Variants in H2AC16 observed in about 807,000 individuals in gnomAD.
H2AC16 encodes the protein histone H2A type 1.
Under a neutral mutation model 6.6 loss-of-function variants are expected in H2AC16, and 11 were observed. The observed-to-expected ratio is 1.67, with a 90% CI of 1.05 to 2.77. The LOEUF is 2.77. Ranked by LOEUF, H2AC16 falls within the 30% of genes most tolerant of loss-of-function variation. The pLI, the probability that H2AC16 is intolerant of heterozygous loss-of-function variation, is 0.00. For missense variants in H2AC16, 212 were observed against 177.1 expected (o/e 1.20, Z -1.12); for synonymous variants, 131 against 80.8 (o/e 1.62, Z -3.33).
chr6:27,865,701 T>C lies in H2AC16; in HGVS notation c.347T>C (p.Leu116Pro). ...GGVLPNIQAV[L>P]LPKKTESHHK... The stretch of plus-strand genomic sequence containing the variant: ...GTCCTGCCCAACATCCAGGCTGTGC[T>C]ACTGCCCAAGAAGACCGAGAGTCAC... Residue 116 changes from leucine to proline, a missense_variant, in exon 1 of 1, where the codon CTA becomes CCA. Transcript: ENST00000613174. 3.1e-6 allele frequency: 5 copies of C among 1,614,220 alleles called. No homozygotes were observed. The highest frequency in any genetic ancestry group is 4.2e-6 in the Non-Finnish European group (5 of 1,180,036).
chr6:27,865,771 A>G lies in H2AC16; in HGVS notation c.*24A>G. The stretch of plus-strand genomic sequence containing the variant: ...AATGTCTCCATAGAATCACTTTCCA[A>G]TACAACGGCTCTTTTCAGAGCCACC... On this transcript the variant is annotated 3_prime_UTR_variant, in exon 1 of 1. Transcript: ENST00000613174. 1 of 1,607,990 alleles carries G rather than the reference A, an allele frequency of 6.2e-7. No homozygotes were observed. The highest frequency in any genetic ancestry group is 8.5e-7 in the Non-Finnish European group (1 of 1,175,302).
In H2AC16 at chr6:27,865,780, C is replaced by T. The variant is rs760242138; in HGVS notation, c.*33C>T. 40 of 1,603,614 alleles carry T rather than the reference C, an allele frequency of 2.5e-5. No individual in the cohort carries two copies. The highest frequency in any genetic ancestry group is 1.7e-4 in the Middle Eastern group (1 of 6,010). The stretch of plus-strand genomic sequence containing the variant: ...ATAGAATCACTTTCCAATACAACGG[C>T]TCTTTTCAGAGCCACCTACTATTTC... On this transcript the variant is annotated 3_prime_UTR_variant, in exon 1 of 1. Coordinates refer to ENST00000613174, the MANE Select transcript of H2AC16 (RefSeq NM_003511.3).
chr6:27,865,432 C>A lies in H2AC16; in HGVS notation c.78C>A (p.Phe26Leu), dbSNP rs775619752. ...KTRSSRAGLQFPVGRVHRLLR... is the reference protein window; with the variant it reads ...KTRSSRAGLQLPVGRVHRLLR... ...GCTCTTCTCGTGCCGGTCTCCAGTT[C>A]CCCGTGGGCCGAGTGCACCGACTGC... is the stretch of plus-strand genomic sequence containing the variant. The change falls in exon 1 of 1, where the codon TTC (phenylalanine) becomes TTA (leucine). Residue 26 changes from phenylalanine (F) to leucine (L), a missense_variant. Transcript: ENST00000613174. The A allele has an allele frequency of 1.2e-6, 2 of 1,613,876 alleles. No homozygotes were observed. The highest frequency in any genetic ancestry group is 1.7e-6 in the Non-Finnish European group (2 of 1,179,930).
chr6:27,865,497 C>G lies in H2AC16; in HGVS notation c.143C>G (p.Ala48Gly), dbSNP rs1561939998. 1 of 1,613,994 alleles carries G rather than the reference C, an allele frequency of 6.2e-7. No homozygotes were observed. The highest frequency in any genetic ancestry group is 1.1e-5 in the South Asian group (1 of 91,072). ...GNYAERVGAGAPVYLAAVLEY... is the reference protein window; with the variant it reads ...GNYAERVGAGGPVYLAAVLEY... ...TATGCTGAGCGGGTCGGGGCCGGCG[C>G]GCCGGTGTACCTGGCGGCGGTGCTG... Residue 48 changes from alanine to glycine, a missense_variant, in exon 1 of 1, where the codon GCG (alanine) becomes GGG (glycine). Coordinates refer to ENST00000613174, the MANE Select transcript of H2AC16 (RefSeq NM_003511.3).
In H2AC16 at chr6:27,865,477, T is replaced by C. The variant is rs770384072; in HGVS notation, c.123T>C (p.Ala41=). Reference sequence around the variant, plus strand: ...GACTGCTCCGCAAGGGCAACTATGCTGAGCGGGTCGGGGCCGGCGCGCCGG... The same window carrying C: ...GACTGCTCCGCAAGGGCAACTATGCCGAGCGGGTCGGGGCCGGCGCGCCGG... The part of the protein sequence containing the change: ...VHRLLRKGNY[A]ERVGAGAPVY... Residue 41 remains alanine (A), a synonymous_variant, in exon 1 of 1, where the codon GCT becomes GCC. Transcript: ENST00000613174. 1.2e-6 allele frequency: 2 copies of C among 1,614,010 alleles called. No homozygotes were observed. Among genetic ancestry groups the C allele is most frequent in the Admixed American group, 1.7e-5 (1 of 60,018 alleles).
Position 27,865,318 on chromosome 6 carries a change from G to C in H2AC16, c.-37G>C. On this transcript the variant is annotated 5_prime_UTR_variant, in exon 1 of 1. Transcript: ENST00000613174. ...AGTGGAGCTCTGGTGAACTTCTCTCGGCTGTTCTCAGTTCCTCCATTTATC... is the reference window on the plus strand; with the variant it reads ...AGTGGAGCTCTGGTGAACTTCTCTCCGCTGTTCTCAGTTCCTCCATTTATC... 1.9e-6 allele frequency: 3 copies of C among 1,570,654 alleles called. No individual in the cohort carries two copies. Among genetic ancestry groups the C allele is most frequent in the Non-Finnish European group, 2.6e-6 (3 of 1,156,804 alleles).
Position 27,865,337 on chromosome 6 carries a change from A to T in H2AC16, c.-18A>T, listed in dbSNP as rs1296216853. 3 of 1,593,836 alleles carry T rather than the reference A, an allele frequency of 1.9e-6. No homozygotes were observed. The highest frequency in any genetic ancestry group is 2.3e-5 in the South Asian group (2 of 88,674). ...TCTCTCGGCTGTTCTCAGTTCCTCC[A>T]TTTATCGTTTCTTCGTCATGTCGGG... On this transcript the variant is annotated 5_prime_UTR_variant, in exon 1 of 1. Transcript: ENST00000613174.
chr6:27,865,663 C>A lies in H2AC16; in HGVS notation c.309C>A (p.Ile103=). ...ACAAGCTGCTGGGCAAAGTAACCAT[C>A]GCTCAGGGTGGTGTCCTGCCCAACA... ...ELNKLLGKVT[I]AQGGVLPNIQ... The change falls in exon 1 of 1, where the codon ATC becomes ATA. Residue 103 remains isoleucine (I), a synonymous_variant. Transcript: ENST00000613174. 6.2e-7 allele frequency: 1 copy of A among 1,614,242 alleles called. No individual in the cohort carries two copies. Among genetic ancestry groups the A allele is most frequent in the African/African-American group, 1.3e-5 (1 of 75,068 alleles).
rs1761486117 is a variant in H2AC16, at chr6:27,865,664, G to C, written c.310G>C (p.Ala104Pro). The C allele has an allele frequency of 6.2e-7, 1 of 1,614,238 alleles. No individual in the cohort carries two copies. The highest frequency in any genetic ancestry group is 8.5e-7 in the Non-Finnish European group (1 of 1,180,042). Residue 104 changes from alanine (A) to proline (P), a missense_variant, in exon 1 of 1, where the codon GCT (alanine) becomes CCT (proline). By Grantham distance (27) the Ala-to-Pro change is conservative. Transcript: ENST00000613174. ...CAAGCTGCTGGGCAAAGTAACCATC[G>C]CTCAGGGTGGTGTCCTGCCCAACAT... ...LNKLLGKVTI[A>P]QGGVLPNIQA...
rs752544024 is a variant in H2AC16 at position 27,865,724 on chromosome 6, C to T, written c.370C>T (p.His124Tyr). The T allele has an allele frequency of 6.2e-7, 1 of 1,614,196 alleles. No individual in the cohort carries two copies. Among genetic ancestry groups the T allele is most frequent in the South Asian group, 1.1e-5 (1 of 91,080 alleles). ...AVLLPKKTES[H>Y]HKAKGK The stretch of plus-strand genomic sequence containing the variant: ...GCTACTGCCCAAGAAGACCGAGAGT[C>T]ACCACAAGGCCAAAGGCAAATAATG... The change falls in exon 1 of 1, where the codon CAC becomes TAC. Residue 124 changes from histidine to tyrosine, a missense_variant. Physicochemically the swap from His to Tyr is moderately conservative, Grantham distance 83 (BLOSUM62 2). Coordinates refer to ENST00000613174, the MANE Select transcript of H2AC16 (RefSeq NM_003511.3).
rs11966705 is a variant in H2AC16, at chr6:27,865,564, C to T, written c.210C>T (p.Ala70=). ...AGATCCTGGAGCTGGCGGGCAACGC[C>T]GCCCGCGACAACAAGAAGACCCGCA... ...TAEILELAGN[A]ARDNKKTRII... The change falls in exon 1 of 1, where the codon GCC becomes GCT. Residue 70 remains alanine, a synonymous_variant. Transcript: ENST00000613174. 8.6e-3 allele frequency: 13,914 copies of T among 1,614,142 alleles called. 293 individuals are homozygous for T. Among genetic ancestry groups the T allele is most frequent in the African/African-American group, 0.078 (5,857 of 75,020 alleles).
In H2AC16 at chr6:27,865,709, A is replaced by G; in HGVS notation, c.355A>G (p.Lys119Glu). The change falls in exon 1 of 1, where the codon AAG (lysine) becomes GAG (glutamate). Residue 119 changes from lysine (K) to glutamate (E), a missense_variant. By Grantham distance (56) the Lys-to-Glu change is moderately conservative. Transcript: ENST00000613174. ...CAACATCCAGGCTGTGCTACTGCCC[A>G]AGAAGACCGAGAGTCACCACAAGGC... is the stretch of plus-strand genomic sequence containing the variant. The part of the protein sequence containing the change: ...LPNIQAVLLP[K>E]KTESHHKAKG... The G allele has an allele frequency of 6.2e-7, 1 of 1,614,224 alleles. No homozygotes were observed. Among genetic ancestry groups the G allele is most frequent in the Non-Finnish European group, 8.5e-7 (1 of 1,180,028 alleles).
Position 27,865,522 on chromosome 6 carries a change from G to C in H2AC16, c.168G>C (p.Leu56=). ...AGAPVYLAAV[L]EYLTAEILEL... is the part of the protein sequence containing the mutation. ...CGCCGGTGTACCTGGCGGCGGTGCT[G>C]GAGTACCTGACTGCCGAGATCCTGG... The change falls in exon 1 of 1, where the codon CTG becomes CTC. Residue 56 remains leucine, a synonymous_variant. Coordinates refer to ENST00000613174, the MANE Select transcript of H2AC16 (RefSeq NM_003511.3). 1 of 1,614,066 alleles carries C rather than the reference G, an allele frequency of 6.2e-7. No homozygotes were observed. Among genetic ancestry groups the C allele is most frequent in the Admixed American group, 1.7e-5 (1 of 60,012 alleles).
At position 27,865,714 on chromosome 6, in the gene H2AC16, G is replaced by A; in HGVS notation, c.360G>A (p.Lys120=). The A allele has an allele frequency of 1.2e-6, 2 of 1,614,186 alleles. No individual in the cohort carries two copies. Among genetic ancestry groups the A allele is most frequent in the Non-Finnish European group, 1.7e-6 (2 of 1,180,008 alleles). The change falls in exon 1 of 1, where the codon AAG becomes AAA. Residue 120 remains lysine (K), a synonymous_variant. Transcript: ENST00000613174. The stretch of plus-strand genomic sequence containing the variant: ...TCCAGGCTGTGCTACTGCCCAAGAA[G>A]ACCGAGAGTCACCACAAGGCCAAAG... ...PNIQAVLLPK[K]TESHHKAKGK
chr6:27,865,351 C>T lies in H2AC16; in HGVS notation c.-4C>T, dbSNP rs1375388998. ...TCAGTTCCTCCATTTATCGTTTCTT[C>T]GTCATGTCGGGACGCGGCAAGCAGG... On this transcript the variant is annotated 5_prime_UTR_variant, in exon 1 of 1. Transcript: ENST00000613174. 6.3e-6 allele frequency: 10 copies of T among 1,599,990 alleles called. No individual in the cohort carries two copies. Among genetic ancestry groups the T allele is most frequent in the East Asian group, 2.2e-5 (1 of 44,662 alleles).
rs1217489410 is a variant in H2AC16, at chr6:27,865,554, C to A, written c.200C>A (p.Ala67Glu). Residue 67 changes from alanine to glutamate, a missense_variant, in exon 1 of 1, where the codon GCG (alanine) becomes GAG (glutamate). Physicochemically the swap from Ala to Glu is moderately radical, Grantham distance 107. Coordinates refer to ENST00000613174, the MANE Select transcript of H2AC16 (RefSeq NM_003511.3). ...EYLTAEILEL[A>E]GNAARDNKKT... ...CTGACTGCCGAGATCCTGGAGCTGG[C>A]GGGCAACGCCGCCCGCGACAACAAG... 2 of 1,614,206 alleles carry A rather than the reference C, an allele frequency of 1.2e-6. No homozygotes were observed.
Position 27,865,397 on chromosome 6 carries a change from G to A in H2AC16, c.43G>A (p.Ala15Thr), listed in dbSNP as rs764241965. ...GKQGGKARAK[A>T]KTRSSRAGLQ... ...GCAGGGAGGCAAAGCTCGCGCCAAA[G>A]CCAAGACCCGCTCTTCTCGTGCCGG... The change falls in exon 1 of 1, where the codon GCC becomes ACC. Residue 15 changes from alanine (A) to threonine (T), a missense_variant. Coordinates refer to ENST00000613174, the MANE Select transcript of H2AC16 (RefSeq NM_003511.3). 6.8e-6 allele frequency: 11 copies of A among 1,613,074 alleles called. No homozygotes were observed. The highest frequency in any genetic ancestry group is 1.7e-5 in the Admixed American group (1 of 59,966).
rs1210536414 is a variant in H2AC16, at chr6:27,865,435, C to G, written c.81C>G (p.Pro27=). ...CTTCTCGTGCCGGTCTCCAGTTCCC[C>G]GTGGGCCGAGTGCACCGACTGCTCC... The part of the protein sequence containing the change: ...TRSSRAGLQF[P]VGRVHRLLRK... Residue 27 remains proline, a synonymous_variant, in exon 1 of 1, where the codon CCC becomes CCG. Transcript: ENST00000613174. The G allele has an allele frequency of 1.9e-6, 3 of 1,614,014 alleles. No homozygotes were observed. The highest frequency in any genetic ancestry group is 1.1e-5 in the South Asian group (1 of 91,068).
rs200926105 is a variant in H2AC16 at position 27,865,381 on chromosome 6, C to T, written c.27C>T (p.Gly9=). 1.6e-4 allele frequency: 264 copies of T among 1,610,496 alleles called. No homozygotes were observed. Among genetic ancestry groups the T allele is most frequent in the Non-Finnish European group, 2.0e-4 (239 of 1,177,590 alleles). Residue 9 remains glycine, a synonymous_variant, in exon 1 of 1, where the codon GGC becomes GGT. Transcript: ENST00000613174. The part of the protein sequence containing the change: MSGRGKQG[G]KARAKAKTRS... ...TGTCGGGACGCGGCAAGCAGGGAGG[C>T]AAAGCTCGCGCCAAAGCCAAGACCC... is the stretch of plus-strand genomic sequence containing the variant.
Sources: gnomAD v4.1 joint callset for allele counts on GRCh38, gnomAD v4.1.1 for gene constraint, MANE v1.5 for transcripts, NCBI Gene and HGNC (gene_info 2026-07-23, HGNC 2026-07-21) for gene names.